PAPPA2: variants seen among roughly 807,000 people sequenced by gnomAD.
The protein encoded by PAPPA2 is pappalysin-2.
In PAPPA2, 86 loss-of-function variants were observed where a neutral mutation model predicts 176.4. That is an observed-to-expected ratio of 0.49 (90% CI 0.41 to 0.58). The LOEUF is 0.58. Among genes scored for constraint, PAPPA2 ranks in the 20% least tolerant of loss-of-function variants. The probability of loss-of-function intolerance (pLI) is 0.00; values close to 1 mark genes in which losing one functional copy is unlikely to be tolerated. For synonymous variants in PAPPA2, 809 were observed against 852.2 expected (o/e 0.95, Z 0.88); for missense variants, 2,073 against 2,256.9 (o/e 0.92, Z 1.65).
intron 21 of PAPPA2, among the ~76,000 whole-genome samples, chr1:176,825,545 G>A (rs901707642): frequency 2.0e-5 from 3 of 152,126 alleles, no homozygotes; most frequent in African/African-American, 7.2e-5. Context: ...ATTGGTTATG[G>A]GGGTCGTTAG....
At chr1:176,687,663 C>T (rs1659905437) in intron 4 of PAPPA2, among the ~76,000 whole-genome samples, 1 of 152,102 alleles carries the variant, frequency 6.6e-6, no homozygotes, top group South Asian at 2.1e-4. Context: ...GGACCTGGGC[C>T]TGTCTGGCCA....
intron 20 of PAPPA2, among the ~76,000 whole-genome samples, chr1:176,797,885 C>G (rs1279320414): frequency 6.6e-6 from 1 of 152,094 alleles, no homozygotes; most frequent in African/African-American, 2.4e-5. Context: ...TAGGGAACAT[C>G]TTTATGAGAT....
At chr1:176,480,317 C>A (rs1301834905) in intron 1 of PAPPA2, among the ~76,000 whole-genome samples, 1 of 152,180 alleles carries the variant, frequency 6.6e-6, no homozygotes, top group African/African-American at 2.4e-5. Context: ...TAACACAGAG[C>A]AGTCCTGGGG....
chr1:176,572,318 A>G (rs12139759), intron 2 of PAPPA2, among the ~76,000 whole-genome samples: 6,424 of 151,928 alleles, frequency 0.042, 203 homozygotes, highest in Middle Eastern at 0.095. Context: ...TTTCTCACTC[A>G]GGGGCCAAGC....
chr1:176,575,599 G>A (rs1652598409), intron 2 of PAPPA2, among the ~76,000 whole-genome samples: 1 of 152,186 alleles, frequency 6.6e-6, no homozygotes, highest in Admixed American at 6.5e-5. Flanking sequence ...TATTAAATAT[G>A]CAATATGTGC....
At chr1:176,565,499 A>G (rs774582218) in intron 2 of PAPPA2, among the ~76,000 whole-genome samples, 12 of 152,168 alleles carry the variant, frequency 7.9e-5, no homozygotes, top group Admixed American at 2.0e-4. Flanking sequence ...GTTCAAGACC[A>G]GCCTGGGAAA....
chr1:176,514,169 C>T (rs1453881840), intron 1 of PAPPA2, among the ~76,000 whole-genome samples: 1 of 152,194 alleles, frequency 6.6e-6, no homozygotes, highest in Non-Finnish European at 1.5e-5. Flanking sequence ...ATAGTGCCAG[C>T]ATCTACTTCT....
At chr1:176,733,785 A>C (rs753432506) in intron 12 of PAPPA2, among the ~76,000 whole-genome samples, 7 of 152,074 alleles carry the variant, frequency 4.6e-5, no homozygotes, top group Non-Finnish European at 7.4e-5. Context: ...CAGATAGTTT[A>C]TTGAGAACCT....
At chr1:176,836,236 GAGA>G (rs1197555762) in intron 21 of PAPPA2, among the ~76,000 whole-genome samples, 1 of 152,146 alleles carries the variant, frequency 6.6e-6, no homozygotes, top group Non-Finnish European at 1.5e-5. Context: ...TTCACATAAC[GAGA>G]AGTTTTTTTT....
At chr1:176,837,348 T>G (rs937070655) in intron 21 of PAPPA2, among the ~76,000 whole-genome samples, 1 of 151,898 alleles carries the variant, frequency 6.6e-6, no homozygotes, top group Non-Finnish European at 1.5e-5. Flanking sequence ...ATAAATCATC[T>G]CTGAGGGGTG....
chr1:176,691,389 G>A (rs767023044), intron 5 of PAPPA2, among the ~76,000 whole-genome samples: 7 of 152,104 alleles, frequency 4.6e-5, no homozygotes, highest in Admixed American at 2.0e-4. Context: ...GTTTCATTGC[G>A]GTGAATAATT....
chr1:176,797,026 A>G (rs992963262), intron 20 of PAPPA2, among the ~76,000 whole-genome samples: 2 of 152,198 alleles, frequency 1.3e-5, no homozygotes, highest in Non-Finnish European at 2.9e-5. Context: ...TATGTTGGAA[A>G]GTTCAAAACA....
intron 1 of PAPPA2, among the ~76,000 whole-genome samples, chr1:176,503,161 C>A (rs528878320): frequency 6.6e-6 from 1 of 152,122 alleles, no homozygotes; most frequent in African/African-American, 2.4e-5. Context: ...ACTCCACCAT[C>A]CAGACACTGT....
chr1:176,692,065 C>A (rs1475695275), intron 5 of PAPPA2, 61 bp from the exon 6 acceptor site: 5 of 1,479,794 alleles, frequency 3.4e-6, no homozygotes, highest in South Asian at 1.2e-5. Flanking sequence ...TTTATCCCTG[C>A]CTTGGTGGAC....
chr1:176,795,497 A>G (rs1255617835), intron 20 of PAPPA2, among the ~76,000 whole-genome samples: 1 of 152,226 alleles, frequency 6.6e-6, no homozygotes, highest in Non-Finnish European at 1.5e-5. Flanking sequence ...GTTTTACTGT[A>G]TCTCATGACT....
chr1:176,601,333 C>T (rs947739309), intron 3 of PAPPA2, among the ~76,000 whole-genome samples: 7 of 152,152 alleles, frequency 4.6e-5, no homozygotes, highest in African/African-American at 1.7e-4. Flanking sequence ...CTCATGTATT[C>T]TGCTATGGCA....
intron 12 of PAPPA2, among the ~76,000 whole-genome samples, chr1:176,723,303 G>A (rs1661711507): frequency 6.6e-6 from 1 of 152,106 alleles, no homozygotes. Context: ...TTAAGCTATA[G>A]CATACCCAGT....
rs761826936 is a variant in PAPPA2, at chr1:176,595,600, G to A, written c.1991+5G>A. The A allele has an allele frequency of 2.5e-6, 4 of 1,602,350 alleles. No individual in the cohort carries two copies. Among genetic ancestry groups the A allele is most frequent in the Non-Finnish European group, 3.4e-6 (4 of 1,172,752 alleles). ...TGACCCTGACTCACCCAAGAGGTAA[G>A]GGACTGGGATTTGGGGTGTCCTACT... On this transcript the variant is annotated splice_donor_5th_base_variant and intron_variant, in intron 3 of 22. Coordinates refer to ENST00000367662, the MANE Select transcript of PAPPA2 (RefSeq NM_020318.3).
At chr1:176,658,348 G>A (rs12060561) in intron 3 of PAPPA2, among the ~76,000 whole-genome samples, 37,892 of 151,850 alleles carry the variant, frequency 0.25, 4,853 homozygotes, top group South Asian at 0.33. Context: ...TAAACAATCT[G>A]TTCCAGATAC....
Sources: gnomAD v4.1 joint callset for allele counts (sites outside exome capture counted in the v4.1 genomes callset) on GRCh38, gnomAD v4.1.1 for gene constraint, MANE v1.5 for transcripts, NCBI Gene and HGNC (gene_info 2026-07-23, HGNC 2026-07-21) for gene names.